Variants in LAMA2 observed in about 807,000 individuals in gnomAD.
LAMA2 encodes the protein laminin subunit alpha 2, also known as laminin subunit alpha-2.
Under a neutral mutation model 364.8 loss-of-function variants are expected in LAMA2, and 269 were observed. The ratio of observed to expected loss-of-function variants is 0.74; its 90% CI spans 0.67 to 0.82. The LOEUF (loss-of-function observed/expected upper bound fraction) is 0.82, where lower values mean the gene tolerates loss of function less well. Ranked by LOEUF, LAMA2 falls within the 40% of genes least tolerant of loss-of-function variation. The pLI is 0.00. For synonymous variants in LAMA2, 1,379 were observed against 1,370.6 expected (o/e 1.01, Z -0.14); for missense variants, 3,807 against 3,873.2 (o/e 0.98, Z 0.45).
intron 12 of LAMA2, among the ~76,000 whole-genome samples, chr6:129,202,753 C>T (rs1782385364): frequency 6.6e-6 from 1 of 152,062 alleles, no homozygotes; most frequent in Non-Finnish European, 1.5e-5. Flanking sequence ...AATTCTTTAC[C>T]AGGCAAAAAT....
intron 55 of LAMA2, among the ~76,000 whole-genome samples, chr6:129,484,820 T>C (rs1784516591): frequency 6.6e-6 from 1 of 152,066 alleles, no homozygotes; most frequent in Non-Finnish European, 1.5e-5. Context: ...AGCAAGGAGA[T>C]GGTATTAGAA....
chr6:129,152,284 A>G (rs1778856056), intron 7 of LAMA2, among the ~76,000 whole-genome samples: 2 of 152,340 alleles, frequency 1.3e-5, no homozygotes, highest in Admixed American at 6.5e-5. Flanking sequence ...AATGCTTATT[A>G]TGTCCAGGAA....
Position 129,311,184 on chromosome 6 carries a change from C to T in LAMA2, c.3175-1677C>T, listed in dbSNP as rs149683596. Among the ~76,000 whole-genome samples, 587 of 151,756 alleles carry T rather than the reference C, an allele frequency of 3.9e-3. 5 individuals carry two copies. Among genetic ancestry groups the T allele is most frequent in the African/African-American group, 0.013 (536 of 41,346 alleles). ...TCGCCTAGGCTGGAGTGCAGTGGCG[C>T]GATCTCGGCTCACTGCAAGCTGCAC... is the stretch of plus-strand genomic sequence containing the variant. On this transcript the variant is annotated intron_variant, in intron 22 of 64. Transcript: ENST00000421865.
intron 36 of LAMA2, 56 bp from the exon 37 acceptor site, chr6:129,392,989 A>G (rs1231453399): frequency 1.5e-6 from 2 of 1,365,402 alleles, no homozygotes; most frequent in African/African-American, 1.4e-5. Flanking sequence ...ATACCAATAA[A>G]CCCTAAGGCA....
rs573729433 is a variant in LAMA2, at chr6:129,258,084, A to G, written c.2097-2627A>G. 8.5e-5 allele frequency among the ~76,000 whole-genome samples: 13 copies of G among 152,178 alleles called. No homozygotes were observed. The South Asian group carries it at 1.9e-3, about 22-fold the overall frequency. ...CACCCATTCGACAAAAGTCTACTGAACATGAACATGTATGGAGATGATCAT... is the reference window on the plus strand; with the variant it reads ...CACCCATTCGACAAAAGTCTACTGAGCATGAACATGTATGGAGATGATCAT... On this transcript the variant is annotated intron_variant, in intron 14 of 64. Transcript: ENST00000421865.
chr6:129,030,043 T>C (rs1056416894), intron 1 of LAMA2, among the ~76,000 whole-genome samples: 1 of 152,046 alleles, frequency 6.6e-6, no homozygotes, highest in African/African-American at 2.4e-5. Context: ...AATTACTTTG[T>C]CTTCTAACCT....
chr6:129,339,281 C>G (rs1169574597), intron 29 of LAMA2, among the ~76,000 whole-genome samples: 1 of 152,038 alleles, frequency 6.6e-6, no homozygotes, highest in Non-Finnish European at 1.5e-5. Flanking sequence ...TAATGGATAC[C>G]TCGGATAAGA....
intron 1 of LAMA2, among the ~76,000 whole-genome samples, chr6:128,916,088 G>C (rs1247534519): frequency 6.6e-6 from 1 of 152,064 alleles, no homozygotes; most frequent in Non-Finnish European, 1.5e-5. Context: ...CTGCTGTGCT[G>C]TTCTTAATTG....
intron 22 of LAMA2, among the ~76,000 whole-genome samples, chr6:129,304,778 A>G (rs1486077778): frequency 3.9e-5 from 6 of 152,190 alleles, no homozygotes. Flanking sequence ...GGAATTTTCA[A>G]GGTATCGTTA....
rs769187963 is a variant in LAMA2, at chr6:129,267,097, TTCTC to T, written c.2209-6_2209-3del. On this transcript the variant is annotated splice_polypyrimidine_tract_variant and splice_region_variant and intron_variant, in intron 15 of 64. Transcript: ENST00000421865. ...TCCAAGACTGACTAAAGCCTTATCT[TTCTC>T]TCAGTCTTGTTGGCCTAGGCACAGG... 3 of 1,567,594 alleles carry T rather than the reference TTCTC, an allele frequency of 1.9e-6. No homozygotes were observed. In the African/African-American group the frequency reaches 4.0e-5, roughly 21 times the overall value.
chr6:129,383,220 C>T lies in LAMA2; in HGVS notation c.5058C>T (p.Ala1686=), dbSNP rs1450869172. 7 of 1,611,674 alleles carry T rather than the reference C, an allele frequency of 4.3e-6. No homozygotes were observed. The South Asian group carries it at 6.6e-5, about 15-fold the overall frequency. Residue 1686 remains alanine, a synonymous_variant, in exon 35 of 65, where the codon GCC becomes GCT. Transcript: ENST00000421865. Reference sequence around the variant, plus strand: ...TGGGAGAATTCATTAAGGAGCTTGCCCGGGATGCAGAAGGTATTAGAAAGA... The same window carrying T: ...TGGGAGAATTCATTAAGGAGCTTGCTCGGGATGCAGAAGGTATTAGAAAGA... ...KSLGEFIKEL[A]RDAEAVNEKA... is the part of the protein sequence containing the mutation.
intron 1 of LAMA2, among the ~76,000 whole-genome samples, chr6:129,017,905 A>G (rs1022619111): frequency 6.6e-6 from 1 of 152,030 alleles, no homozygotes; most frequent in Non-Finnish European, 1.5e-5. Context: ...TAACAAATGA[A>G]GTTATTTTAT....
rs558841215 is a variant in LAMA2, at chr6:129,224,320, A to G, written c.1783-25792A>G. 9.9e-5 allele frequency among the ~76,000 whole-genome samples: 15 copies of G among 152,276 alleles called. No homozygotes were observed. The South Asian group carries it at 2.9e-3, about 29-fold the overall frequency. ...GGACAATTTGACTACCTCTTTTCCT[A>G]ATTAAATACCCTTCATTACTTTCTC... On this transcript the variant is annotated intron_variant, in intron 12 of 64. Transcript: ENST00000421865.
intron 29 of LAMA2, among the ~76,000 whole-genome samples, chr6:129,336,598 G>A (rs1481937815): frequency 6.6e-6 from 1 of 152,214 alleles, no homozygotes; most frequent in Admixed American, 6.5e-5. Context: ...ACTGATGCTA[G>A]AGAAATTAAA....
intron 29 of LAMA2, among the ~76,000 whole-genome samples, chr6:129,338,505 AAAGAG>A (rs1776079593): frequency 6.6e-6 from 1 of 152,208 alleles, no homozygotes; most frequent in African/African-American, 2.4e-5. Context: ...TGGTTGAATA[AAAGAG>A]GATTATGGCA....
intron 1 of LAMA2, among the ~76,000 whole-genome samples, chr6:128,884,274 T>G (rs1455416891): frequency 1.3e-5 from 2 of 152,150 alleles, no homozygotes; most frequent in East Asian, 3.8e-4. Flanking sequence ...TAACACATTA[T>G]TTCAGCAAAC....
intron 8 of LAMA2, among the ~76,000 whole-genome samples, chr6:129,165,228 T>A (rs1361176644): frequency 2.6e-5 from 4 of 151,994 alleles, no homozygotes; most frequent in Non-Finnish European, 5.9e-5. Context: ...ATAAATCTTG[T>A]ATATACAGTA....
intron 17 of LAMA2, among the ~76,000 whole-genome samples, chr6:129,277,208 T>C (rs1264576231): frequency 2.0e-5 from 3 of 152,172 alleles, no homozygotes; most frequent in Non-Finnish European, 4.4e-5. Flanking sequence ...TTAAATGACA[T>C]AATCTTGGAA....
chr6:129,067,767 C>T (rs1789468958), intron 3 of LAMA2, among the ~76,000 whole-genome samples: 1 of 152,222 alleles, frequency 6.6e-6, no homozygotes, highest in African/African-American at 2.4e-5. Context: ...ACACCTGCCT[C>T]AGGGCCTTTG....
Sources: allele counts gnomAD v4.1 joint callset (sites outside exome capture counted in the v4.1 genomes callset), GRCh38; gene constraint gnomAD v4.1.1; transcripts MANE v1.5; gene names NCBI Gene and HGNC (gene_info 2026-07-23, HGNC 2026-07-21).